The following GRIP1 variants were observed in gnomAD, a reference collection of about 807,000 sequenced individuals.
The protein encoded by GRIP1 is glutamate receptor interacting protein 1.
In GRIP1, 45 loss-of-function variants were observed where a neutral mutation model predicts 129.9. The ratio of observed to expected loss-of-function variants is 0.35; its 90% CI spans 0.27 to 0.44. The LOEUF is 0.44. Among genes scored for constraint, GRIP1 ranks in the 20% least tolerant of loss-of-function variants. The pLI is 1.00. For missense variants in GRIP1, 1,196 were observed against 1,396.8 expected (o/e 0.86, Z 2.29); for synonymous variants, 530 against 520.8 (o/e 1.02, Z -0.24).
chr12:66,440,825 T>C (rs1008052957), intron 13 of GRIP1, among the ~76,000 whole-genome samples: 3 of 152,204 alleles, frequency 2.0e-5, no homozygotes, highest in Non-Finnish European at 4.4e-5. Context: ...CTAAATTTCT[T>C]GACCTCACCA....
Position 66,762,350 on chromosome 12 carries a change from G to A in GRIP1, c.-420+41703C>T, listed in dbSNP as rs556099407. Among the ~76,000 whole-genome samples, 12 of 152,312 alleles carry A rather than the reference G, an allele frequency of 7.9e-5. No homozygotes were observed. The East Asian group carries it at 1.9e-3, about 24-fold the overall frequency. On this transcript the variant is annotated intron_variant, in intron 1 of 4. Coordinates refer to the GRIP1 transcript ENST00000538373. ...ACAGTTTCATTTGCCCCTGGTCAGA[G>A]GAGGCTGGGAGGACCCCAATCCCTG...
At chr12:66,599,084 C>T (rs1301814042) in intron 1 of GRIP1, among the ~76,000 whole-genome samples, 3 of 152,168 alleles carry the variant, frequency 2.0e-5, no homozygotes, top group African/African-American at 7.2e-5. Context: ...TAGTTGAGCA[C>T]ATCTTTAAAA....
chr12:66,352,948 G>A (rs938351556), intron 24 of GRIP1, among the ~76,000 whole-genome samples: 16 of 152,222 alleles, frequency 1.1e-4, no homozygotes, highest in Admixed American at 9.8e-4. Context: ...GACAGAGCGA[G>A]ACTCTGTCTC....
chr12:67,028,037 C>T (rs541102094), intron 1 of GRIP1, among the ~76,000 whole-genome samples: 7 of 152,290 alleles, frequency 4.6e-5, no homozygotes, highest in Non-Finnish European at 7.4e-5. Context: ...ACCCTCAATC[C>T]ACCCTCACCT....
chr12:66,632,288 G>A (rs960651774), intron 1 of GRIP1, among the ~76,000 whole-genome samples: 1 of 152,166 alleles, frequency 6.6e-6, no homozygotes, highest in East Asian at 1.9e-4. Context: ...AGGTCACAAG[G>A]CAAGTAGGGA....
chr12:66,975,219 C>T (rs535728027), intron 1 of GRIP1, among the ~76,000 whole-genome samples: 2 of 152,134 alleles, frequency 1.3e-5, no homozygotes, highest in Admixed American at 1.3e-4. Flanking sequence ...TCTTGCCAAG[C>T]CTGGCACCAG....
At chr12:66,556,979 T>C (rs939895152) in intron 2 of GRIP1, among the ~76,000 whole-genome samples, 2 of 151,972 alleles carry the variant, frequency 1.3e-5, no homozygotes, top group African/African-American at 2.4e-5. Flanking sequence ...TCCTTACTTA[T>C]CAATAATAAC....
chr12:67,018,002 C>A (rs2042812986), intron 1 of GRIP1, among the ~76,000 whole-genome samples: 1 of 152,182 alleles, frequency 6.6e-6, no homozygotes, highest in Non-Finnish European at 1.5e-5. Flanking sequence ...TGTTACACCA[C>A]AACAGATACC....
intron 1 of GRIP1, among the ~76,000 whole-genome samples, chr12:66,858,322 A>G (rs1178006669): frequency 6.6e-6 from 1 of 151,932 alleles, no homozygotes; most frequent in East Asian, 1.9e-4. Context: ...TCTTTGCAAG[A>G]ATTTACTTTC....
rs553375096 is a variant in GRIP1, at chr12:66,568,484, CCTT to C, written c.137-26537_137-26535del. ...TGCTCCTCCATGGACCCTGCCTCCT[CCTT>C]GTCAGGTCTCTCATCATGTGAATCA... On this transcript the variant is annotated intron_variant, in intron 2 of 24. Coordinates refer to ENST00000359742, the MANE Select transcript of GRIP1 (RefSeq NM_001366722.1). The C allele has an allele frequency of 9.3e-4, 163 of 175,580 alleles. 1 individual carries two copies. Among genetic ancestry groups the C allele is most frequent in the African/African-American group, 3.6e-3 (149 of 41,816 alleles). The allele number at this position is 175,580 out of a possible 1,614,324, so 10.9% of individuals were successfully genotyped here. A position where few individuals can be genotyped will look rare whatever the true frequency, so the allele number is the denominator to read the frequency against.
intron 1 of GRIP1, among the ~76,000 whole-genome samples, chr12:66,676,183 C>T (rs1439916013): frequency 2.0e-5 from 3 of 152,030 alleles, no homozygotes; most frequent in Non-Finnish European, 4.4e-5. Context: ...ATTCTAAGTG[C>T]AAAAATGTCA....
rs12580945 is a variant in GRIP1, at chr12:67,044,000, C to T, written c.58+25050G>A. On this transcript the variant is annotated intron_variant, in intron 1 of 1. Transcript: ENST00000643019. Reference sequence around the variant, plus strand: ...AAATATCTAGGGCCCATTCCACCCACGGGTAAAGCTGACCCTGAGAGAACC... The same window carrying T: ...AAATATCTAGGGCCCATTCCACCCATGGGTAAAGCTGACCCTGAGAGAACC... Among the ~76,000 whole-genome samples, 818 of 152,146 alleles carry T rather than the reference C, an allele frequency of 5.4e-3. 28 individuals carry two copies. Among genetic ancestry groups the T allele is most frequent in the Admixed American group, 0.043 (650 of 15,276 alleles).
chr12:66,833,871 T>A (rs986969450), intron 1 of GRIP1, among the ~76,000 whole-genome samples: 2 of 151,868 alleles, frequency 1.3e-5, no homozygotes, highest in African/African-American at 4.8e-5. Context: ...TAAAAAAAAA[T>A]TTAAAAGGAT....
chr12:66,994,023 C>G (rs960266250), intron 1 of GRIP1, among the ~76,000 whole-genome samples: 4 of 151,904 alleles, frequency 2.6e-5, no homozygotes, highest in African/African-American at 9.7e-5. Flanking sequence ...AATTTTTAAA[C>G]CTCCCCCAAA....
intron 1 of GRIP1, among the ~76,000 whole-genome samples, chr12:66,647,052 G>C (rs958509627): frequency 6.6e-6 from 1 of 152,162 alleles, no homozygotes; most frequent in South Asian, 2.1e-4. Context: ...TGCAGACTAG[G>C]GAAGCAACAG....
intron 1 of GRIP1, among the ~76,000 whole-genome samples, chr12:66,969,286 A>G (rs2042039378): frequency 6.6e-6 from 1 of 152,262 alleles, no homozygotes; most frequent in East Asian, 1.9e-4. Context: ...ATCAGTCATT[A>G]TTACTTCAAA....
chr12:67,006,020 T>C (rs577964835), intron 1 of GRIP1, among the ~76,000 whole-genome samples: 26 of 152,284 alleles, frequency 1.7e-4, no homozygotes, highest in African/African-American at 4.6e-4. Flanking sequence ...ACATACCAGC[T>C]CCTTGGCTTT....
chr12:66,725,200 G>C (rs1401492765), intron 1 of GRIP1, among the ~76,000 whole-genome samples: 3 of 152,054 alleles, frequency 2.0e-5, no homozygotes, highest in Non-Finnish European at 4.4e-5. Context: ...TACTAAGGGG[G>C]CTGAGGTAAG....
chr12:66,489,579 C>A (rs1467073490), intron 7 of GRIP1, among the ~76,000 whole-genome samples: 2 of 152,128 alleles, frequency 1.3e-5, no homozygotes, highest in East Asian at 3.9e-4. Flanking sequence ...CCTCTCTTAC[C>A]ACTCCTATTC....
Sources: gnomAD v4.1 joint callset for allele counts (sites outside exome capture counted in the v4.1 genomes callset) on GRCh38, gnomAD v4.1.1 for gene constraint, MANE v1.5 for transcripts, NCBI Gene and HGNC (gene_info 2026-07-23, HGNC 2026-07-21) for gene names.